The following ADGRE1 variants were observed in gnomAD, a reference collection of about 807,000 sequenced individuals.
ADGRE1 encodes adhesion G protein-coupled receptor E1, also known as EGF-like module receptor 1.
ADGRE1 carries 82 observed loss-of-function variants against 102.7 expected under a neutral mutation model. The ratio of observed to expected loss-of-function variants is 0.80; its 90% confidence interval spans 0.67 to 0.96. ADGRE1 has a LOEUF of 0.96. Ranked by LOEUF, ADGRE1 falls within the 40% of genes least tolerant of loss-of-function variation. ADGRE1 has a pLI of 0.00. For missense variants in ADGRE1, 1,032 were observed against 1,085.3 expected (o/e 0.95, Z 0.69); for synonymous variants, 398 against 399.6 (o/e 1.00, Z 0.05).
chr19:6,933,613 C>T (rs1487339477), intron 17 of ADGRE1, among the ~76,000 whole-genome samples: 1 of 152,110 alleles, frequency 6.6e-6, no homozygotes, highest in African/African-American at 2.4e-5. Flanking sequence ...TCTCGAACTC[C>T]TGACCTCAGG....
chr19:6,937,704 G>A, intron 20 of ADGRE1, 56 bp downstream of exon 20: 1 of 1,534,508 alleles, frequency 6.5e-7, no homozygotes, highest in South Asian at 1.1e-5. Flanking sequence ...CGGCCTCTTG[G>A]TGACACTCAG....
intron 18 of ADGRE1, among the ~76,000 whole-genome samples, chr19:6,936,144 G>A (rs1009433511): frequency 1.2e-4 from 18 of 152,058 alleles, no homozygotes; most frequent in African/African-American, 4.1e-4. Flanking sequence ...TAGTACAAAA[G>A]TCAAAAAGGA....
In ADGRE1 at chr19:6,937,406, G is replaced by A. The variant is rs200067952; in HGVS notation, c.2545G>A (p.Gly849Ser). 2.0e-5 allele frequency: 33 copies of A among 1,613,096 alleles called. No individual in the cohort carries two copies. The highest frequency in any genetic ancestry group is 9.3e-5 in the African/African-American group (7 of 74,886). ...FIFLIHCLLN[G>S]QVREEYKRWI... ...CTTCCTCATCCACTGTCTGCTCAAC[G>A]GCCAGGTGTGTAGCTGCTGCCCTCC... The change falls in exon 19 of 21, where the codon GGC (glycine) becomes AGC (serine). Residue 849 changes from glycine (G) to serine (S), a missense_variant. Physicochemically the swap from Gly to Ser is moderately conservative, Grantham distance 56. Coordinates refer to ENST00000312053, the MANE Select transcript of ADGRE1 (RefSeq NM_001974.5).
At chr19:6,902,146 T>G (rs1973786515) in intron 6 of ADGRE1, 125 bp downstream of exon 6, 2 of 1,252,074 alleles carry the variant, frequency 1.6e-6, no homozygotes, top group East Asian at 2.3e-5. Flanking sequence ...CAATAATCAT[T>G]CATTCACTCA....
chr19:6,907,949 C>G (rs969945046), intron 9 of ADGRE1, among the ~76,000 whole-genome samples: 3 of 152,146 alleles, frequency 2.0e-5, no homozygotes, highest in Non-Finnish European at 2.9e-5. Flanking sequence ...TGGGAACAGG[C>G]CCCCCAAAAT....
At chr19:6,905,693 C>T (rs143861865) in intron 8 of ADGRE1, among the ~76,000 whole-genome samples, 5 of 151,950 alleles carry the variant, frequency 3.3e-5, no homozygotes, top group Non-Finnish European at 5.9e-5. Context: ...TTTCCCCTCC[C>T]CCCAAGAATA....
chr19:6,926,364 A>C lies in ADGRE1; in HGVS notation c.1987-2A>C. 2 of 1,613,840 alleles carry C rather than the reference A, an allele frequency of 1.2e-6. No individual in the cohort carries two copies. Among genetic ancestry groups the C allele is most frequent in the Non-Finnish European group, 1.7e-6 (2 of 1,180,032 alleles). ...TCTGATGCGCATGCTTCTCCCCTCCAGATGGGCTGCGCCATCATCGCGGGC... is the reference window on the plus strand; with the variant it reads ...TCTGATGCGCATGCTTCTCCCCTCCCGATGGGCTGCGCCATCATCGCGGGC... On this transcript the variant is annotated splice_acceptor_variant, in intron 15 of 20. Coordinates refer to ENST00000312053, the MANE Select transcript of ADGRE1 (RefSeq NM_001974.5). LOFTEE classifies it high-confidence loss of function.
chr19:6,915,734 A>G (rs1051107485), intron 11 of ADGRE1, among the ~76,000 whole-genome samples: 1 of 152,040 alleles, frequency 6.6e-6, no homozygotes, highest in African/African-American at 2.4e-5. Context: ...ATCCTGGCTA[A>G]CACAGTGAAA....
intron 5 of ADGRE1, chr19:6,897,874 C>T: frequency 5.1e-6 from 1 of 194,442 alleles, no homozygotes; most frequent in Non-Finnish European, 1.0e-5. Context: ...GGTTTTGTTC[C>T]TGTCACAGCA....
In ADGRE1 at chr19:6,936,393, G is replaced by A. The variant is rs138457576; in HGVS notation, c.2382-850G>A. Among the ~76,000 whole-genome samples the A allele has an allele frequency of 4.9e-3, 725 of 147,082 alleles. 8 individuals are homozygous for A. The highest frequency in any genetic ancestry group is 0.016 in the African/African-American group (629 of 39,922). On this transcript the variant is annotated intron_variant, in intron 18 of 20. Transcript: ENST00000312053. Reference sequence around the variant, plus strand: ...GGAGCTTGCAGTGAGCCAAGATCACGCCACTGCACTCCAGCCTGGGTGACA... The same window carrying A: ...GGAGCTTGCAGTGAGCCAAGATCACACCACTGCACTCCAGCCTGGGTGACA...
At chr19:6,888,525 T>C (rs1973228846) in intron 1 of ADGRE1, among the ~76,000 whole-genome samples, 1 of 152,206 alleles carries the variant, frequency 6.6e-6, no homozygotes, top group Admixed American at 6.5e-5. Context: ...AAGTAGCAAG[T>C]ATGGGTTTCC....
Position 6,940,427 on chromosome 19 carries a change from C to T in ADGRE1, c.*398C>T, listed in dbSNP as rs780888883. The T allele has an allele frequency of 9.2e-6, 2 of 216,418 alleles. No homozygotes were observed. The highest frequency in any genetic ancestry group is 8.9e-5 in the South Asian group (1 of 11,182). The allele number at this position is 216,418 out of a possible 1,614,324, so 13.4% of individuals were successfully genotyped here. A position where few individuals can be genotyped will look rare whatever the true frequency, so the allele number is the denominator to read the frequency against. ...GAGAACCTCTCAATAAATGATTTGT[C>T]GCCTGTCTGACTGATTTACCCTAGG... On this transcript the variant is annotated 3_prime_UTR_variant, in exon 21 of 21. Coordinates refer to ENST00000312053, the MANE Select transcript of ADGRE1 (RefSeq NM_001974.5).
rs1973777106 is a variant in ADGRE1, at chr19:6,901,911, A to T, written c.551A>T (p.Glu184Val). 1 of 1,614,092 alleles carries T rather than the reference A, an allele frequency of 6.2e-7. No homozygotes were observed. The highest frequency in any genetic ancestry group is 1.7e-5 in the Admixed American group (1 of 60,008). The change falls in exon 6 of 21, where the codon GAG becomes GTG. Residue 184 changes from glutamate to valine, a missense_variant. Transcript: ENST00000312053. ...DECADPRACP[E>V]HATCNNTVGN... Reference sequence around the variant, plus strand: ...TGTGCAGATCCAAGAGCTTGCCCAGAGCATGCAACTTGTAATAACACTGTT... The same window carrying T: ...TGTGCAGATCCAAGAGCTTGCCCAGTGCATGCAACTTGTAATAACACTGTT...
intron 2 of ADGRE1, among the ~76,000 whole-genome samples, chr19:6,894,460 TA>T (rs1295870003): frequency 2.6e-5 from 4 of 152,020 alleles, no homozygotes; most frequent in Non-Finnish European, 5.9e-5. Context: ...GAAGTGATGC[TA>T]AAGCAAGATC....
chr19:6,914,145 C>T (rs1364799499), intron 11 of ADGRE1, among the ~76,000 whole-genome samples: 3 of 152,188 alleles, frequency 2.0e-5, no homozygotes, highest in African/African-American at 7.2e-5. Flanking sequence ...CTGCTGGGCC[C>T]ATGGTAGAAT....
chr19:6,910,568 C>A (rs550930493), intron 10 of ADGRE1, among the ~76,000 whole-genome samples: 1 of 96,272 alleles, frequency 1.0e-5, no homozygotes, highest in South Asian at 4.2e-4. Flanking sequence ...ACTGTTCCAA[C>A]TCTTTTTTTT....
At chr19:6,910,489 A>C (rs1974131410) in intron 10 of ADGRE1, among the ~76,000 whole-genome samples, 1 of 152,110 alleles carries the variant, frequency 6.6e-6, no homozygotes, top group Admixed American at 6.6e-5. Flanking sequence ...TTCATATTAA[A>C]ATAACAAGTC....
At chr19:6,902,415 G>GT (rs529646342) in intron 6 of ADGRE1, among the ~76,000 whole-genome samples, 1 of 151,558 alleles carries the variant, frequency 6.6e-6, no homozygotes, top group Non-Finnish European at 1.5e-5. Flanking sequence ...TTGTTTGTTT[G>GT]TTTTTTGTTT....
intron 8 of ADGRE1, among the ~76,000 whole-genome samples, chr19:6,905,942 C>T (rs1223685584): frequency 6.6e-6 from 1 of 152,054 alleles, no homozygotes; most frequent in Non-Finnish European, 1.5e-5. Flanking sequence ...TATTATTTCC[C>T]TACTTAAAAA....
Sources: gnomAD v4.1 joint callset for allele counts (sites outside exome capture counted in the v4.1 genomes callset) on GRCh38, gnomAD v4.1.1 for gene constraint, MANE v1.5 for transcripts, NCBI Gene and HGNC (gene_info 2026-07-23, HGNC 2026-07-21) for gene names.